CERS5: variants seen among roughly 807,000 people sequenced by gnomAD.
The protein encoded by CERS5 is ceramide synthase 5.
A neutral mutation model predicts 58.9 loss-of-function variants in CERS5; 37 were observed. The ratio of observed to expected loss-of-function variants is 0.63; its 90% CI spans 0.48 to 0.83. CERS5 has a LOEUF of 0.83. Among genes scored for constraint, CERS5 ranks in the 40% least tolerant of loss-of-function variants. CERS5 has a pLI of 0.00. For synonymous variants in CERS5, 147 were observed against 177.8 expected (o/e 0.83, Z 1.38); for missense variants, 398 against 489.3 (o/e 0.81, Z 1.76).
At chr12:50,150,117 T>C (rs1255840591) in intron 1 of CERS5, among the ~76,000 whole-genome samples, 2 of 152,206 alleles carry the variant, frequency 1.3e-5, no homozygotes, top group South Asian at 2.1e-4. Flanking sequence ...TCTGGAAAAA[T>C]ATAAAGTGCC....
chr12:50,143,254 TTC>T, intron 2 of CERS5, 50 bp from the exon 3 acceptor site: 1 of 1,601,916 alleles, frequency 6.2e-7, no homozygotes, highest in Non-Finnish European at 8.5e-7. Context: ...ATACCCCTCC[TTC>T]AATCCCATTG....
At chr12:50,154,284 C>A (rs756934291) in intron 1 of CERS5, 10 of 330,410 alleles carry the variant, frequency 3.0e-5, no homozygotes, top group South Asian at 1.6e-4. Flanking sequence ...ACCAGGGAGT[C>A]GAAGGTTGCA....
chr12:50,143,830 C>T (rs1296908019), intron 2 of CERS5, 122 bp downstream of exon 2: 1 of 678,186 alleles, frequency 1.5e-6, no homozygotes, highest in Non-Finnish European at 2.7e-6. Flanking sequence ...ACATGGACTA[C>T]TCAAATATGA....
chr12:50,149,002 T>A (rs1952510029), intron 1 of CERS5, among the ~76,000 whole-genome samples: 1 of 147,748 alleles, frequency 6.8e-6, no homozygotes, highest in Admixed American at 6.8e-5. Flanking sequence ...TATAAATACA[T>A]GTAGAAAACA....
intron 9 of CERS5, among the ~76,000 whole-genome samples, chr12:50,131,671 AATC>A (rs1592324431): frequency 6.6e-6 from 1 of 152,114 alleles, no homozygotes. Flanking sequence ...TCCCAGTTCT[AATC>A]ATGCTACCAT....
chr12:50,135,811 A>C lies in CERS5; in HGVS notation c.793T>G (p.Tyr265Asp), dbSNP rs1951664227. ...AAAAGGGTGTCACAGAGCCGCTGATACTTGGCATAATTGGCCAGTTTGGCT... is the reference window on the plus strand; with the variant it reads ...AAAAGGGTGTCACAGAGCCGCTGATCCTTGGCATAATTGGCCAGTTTGGCT... ...EAAKLANYAK[Y>D]QRLCDTLFVI... is the part of the protein sequence containing the mutation. The change falls in exon 8 of 10, where the codon TAT becomes GAT. Residue 265 changes from tyrosine (Y) to aspartate (D), a missense_variant. This residue lies in a region of CERS5 where 328 missense variants were observed against 384.5 expected (regional missense o/e 0.85). Coordinates refer to ENST00000317551, the MANE Select transcript of CERS5 (RefSeq NM_147190.5). The C allele has an allele frequency of 6.2e-7, 1 of 1,614,030 alleles. No homozygotes were observed. Among genetic ancestry groups the C allele is most frequent in the Non-Finnish European group, 8.5e-7 (1 of 1,180,020 alleles).
intron 3 of CERS5, 99 bp from the exon 4 acceptor site, chr12:50,142,209 T>C: frequency 1.3e-6 from 1 of 762,888 alleles, no homozygotes; most frequent in Non-Finnish European, 2.2e-6. Context: ...TAAGAGTTAC[T>C]GGTGAGAAAG....
intron 1 of CERS5, chr12:50,165,434 A>G (rs1485854015): frequency 1.1e-5 from 1 of 91,340 alleles, no homozygotes; most frequent in Admixed American, 1.6e-4. Context: ...AAAAAGAAAA[A>G]GAAAAAGAAA....
intron 6 of CERS5, among the ~76,000 whole-genome samples, chr12:50,136,649 A>C (rs1951711885): frequency 6.6e-6 from 1 of 152,186 alleles, no homozygotes; most frequent in African/African-American, 2.4e-5. Context: ...TGCTAAGCTG[A>C]CACTTGGGGA....
At chr12:50,138,659 C>A in intron 4 of CERS5, 42 bp from the exon 5 acceptor site, 1 of 1,550,332 alleles carries the variant, frequency 6.5e-7, no homozygotes, top group Non-Finnish European at 8.9e-7. Flanking sequence ...TCAAGATTCT[C>A]ACCTGGCTTC....
intron 4 of CERS5, 134 bp from the exon 5 acceptor site, chr12:50,138,751 C>T: frequency 1.3e-6 from 1 of 747,036 alleles, no homozygotes; most frequent in Non-Finnish European, 2.4e-6. Context: ...TTTAGGGCTC[C>T]CTAAAGGATC....
intron 1 of CERS5, chr12:50,148,478 T>C: frequency 3.6e-6 from 1 of 274,546 alleles, no homozygotes. Context: ...ATACCTGTAG[T>C]CCCAGCTGCT....
rs868691876 is a variant in CERS5, at chr12:50,162,963, A to G, written c.197+4138T>C. On this transcript the variant is annotated intron_variant, in intron 1 of 9. Transcript: ENST00000317551. ...GCCCAGGCTGGAGTGCACTGGCGCT[A>G]TCATAGTTCATTGCAGCTTTGAACT... Among the ~76,000 whole-genome samples the G allele has an allele frequency of 3.9e-5, 6 of 152,194 alleles. No individual in the cohort carries two copies. In the Middle Eastern group the frequency reaches 0.01, roughly 259 times the overall value.
Position 50,140,791 on chromosome 12 carries a change from A to G in CERS5, c.492+1262T>C, listed in dbSNP as rs185930792. 1.2e-4 allele frequency among the ~76,000 whole-genome samples: 18 copies of G among 150,450 alleles called. No homozygotes were observed. In the East Asian group the frequency reaches 3.5e-3, roughly 29 times the overall value. ...GTGTAGTGTTTTATAAATGTCAATA[A>G]GGTAAAACTGGTTGATCATGTCATT... On this transcript the variant is annotated intron_variant, in intron 4 of 9. Coordinates refer to ENST00000317551, the MANE Select transcript of CERS5 (RefSeq NM_147190.5).
intron 6 of CERS5, among the ~76,000 whole-genome samples, chr12:50,137,111 G>C (rs1190364364): frequency 6.6e-6 from 1 of 152,176 alleles, no homozygotes; most frequent in East Asian, 1.9e-4. Context: ...ATTAGGGTTA[G>C]AGCTGCTAGA....
chr12:50,162,323 C>T (rs1939399092), intron 1 of CERS5, among the ~76,000 whole-genome samples: 1 of 151,018 alleles, frequency 6.6e-6, no homozygotes, highest in Admixed American at 6.6e-5. Context: ...AAAAGATGAA[C>T]GGCCCTATCA....
At chr12:50,132,748 A>T (rs915516383) in intron 9 of CERS5, among the ~76,000 whole-genome samples, 8 of 152,112 alleles carry the variant, frequency 5.3e-5, no homozygotes, top group African/African-American at 1.9e-4. Flanking sequence ...GTAAACAGAG[A>T]CTCAAGAAAA....
intron 8 of CERS5, chr12:50,134,907 T>C (rs990584823): frequency 7.0e-6 from 4 of 571,854 alleles, no homozygotes; most frequent in Non-Finnish European, 9.3e-6. Context: ...GAGAAAGATA[T>C]ATAAATCTTA....
Position 50,143,706 on chromosome 12 carries a change from A to C in CERS5, c.303+246T>G, listed in dbSNP as rs372656269. 53 of 429,704 alleles carry C rather than the reference A, an allele frequency of 1.2e-4. 1 individual carries two copies. The South Asian group carries it at 1.8e-3, about 14-fold the overall frequency. The allele number at this position is 429,704 out of a possible 1,614,324, so 26.6% of individuals were successfully genotyped here. A position where few individuals can be genotyped will look rare whatever the true frequency, so the allele number is the denominator to read the frequency against. ...AACCAGATATGGTATGTGTCTGGGG[A>C]AAGAGGGGTAAGGGTGGCTGCTGGG... On this transcript the variant is annotated intron_variant, in intron 2 of 9. Coordinates refer to ENST00000317551, the MANE Select transcript of CERS5 (RefSeq NM_147190.5).
Sources: gnomAD v4.1 joint callset for allele counts (sites outside exome capture counted in the v4.1 genomes callset) on GRCh38, gnomAD v4.1.1 for gene constraint, gnomAD v4.1.1 regional missense constraint, MANE v1.5 for transcripts, NCBI Gene and HGNC (gene_info 2026-07-23, HGNC 2026-07-21) for gene names.